Variants in MMD2 observed in about 807,000 individuals in gnomAD.
MMD2 encodes monocyte to macrophage differentiation factor 2.
A neutral mutation model predicts 33.5 loss-of-function variants in MMD2; 30 were observed. The observed-to-expected ratio is 0.90, with a 90% CI of 0.67 to 1.22. MMD2 has a LOEUF of 1.22. MMD2 is among the 50% of genes most tolerant of loss of function. The pLI, the probability that MMD2 is intolerant of heterozygous loss-of-function variation, is 0.00. For synonymous variants in MMD2, 129 were observed against 123.0 expected, an observed-to-expected ratio of 1.05 and a Z score of -0.32; for missense variants, 364 against 325.4, an observed-to-expected ratio of 1.12 and a Z score of -0.91.
rs181673339 is a variant in MMD2 at position 4,935,711 on chromosome 7, A to G, written c.48-10179T>C. Among the ~76,000 whole-genome samples the G allele has an allele frequency of 1.1e-3, 158 of 149,660 alleles. 1 individual carries two copies. Among genetic ancestry groups the G allele is most frequent in the Non-Finnish European group, 1.4e-3 (92 of 67,576 alleles). On this transcript the variant is annotated intron_variant, in intron 1 of 6. Transcript: ENST00000401401. ...AAAAAAAAAAAACCAAAAAAATTGT[A>G]TACGTTGATGGTGCTAGACCATGAT...
chr7:4,901,765 G>T (rs2115076214), downstream of MMD2, among the ~76,000 whole-genome samples: 1 of 152,346 alleles, frequency 6.6e-6, no homozygotes, highest in African/African-American at 2.4e-5. Context: ...CTTCACAAGA[G>T]GTACAGCTGG....
At chr7:4,927,749 C>T (rs1785470780) in intron 1 of MMD2, among the ~76,000 whole-genome samples, 3 of 152,026 alleles carry the variant, frequency 2.0e-5, no homozygotes, top group African/African-American at 7.2e-5. Context: ...CAAAAATTCC[C>T]GATGTTTTGG....
chr7:4,945,201 T>TTCTTCC (rs1429486505), intron 1 of MMD2, among the ~76,000 whole-genome samples: 3 of 138,682 alleles, frequency 2.2e-5, no homozygotes, highest in African/African-American at 8.2e-5. Flanking sequence ...CTTCTTCTTC[T>TTCTTCC]TCTTCTTCTT....
rs758180274 is a variant in MMD2, at chr7:4,920,244, C to T, written c.217G>A (p.Gly73Ser). ...DWETISAWIYGLGLCGLFVVS... is the reference protein window; with the variant it reads ...DWETISAWIYSLGLCGLFVVS... ...ACGAAGAGGCCGCAGAGGCCGAGGC[C>T]GTAGATCCAGGCAGAGATGGTCTCC... is the stretch of plus-strand genomic sequence containing the variant. Residue 73 changes from glycine (G) to serine (S), a missense_variant, in exon 3 of 7, where the codon GGC (glycine) becomes AGC (serine). Gly to Ser is a moderately conservative substitution (Grantham distance 56). Coordinates refer to ENST00000401401, the MANE Select transcript of MMD2 (RefSeq NM_198403.4). 6 of 1,598,384 alleles carry T rather than the reference C, an allele frequency of 3.8e-6. No homozygotes were observed. The highest frequency in any genetic ancestry group is 1.1e-5 in the South Asian group (1 of 87,782).
the MMD2 span, among the ~76,000 whole-genome samples, chr7:4,899,586 G>A: frequency 6.6e-6 from 1 of 151,982 alleles, no homozygotes; most frequent in African/African-American, 2.4e-5. Flanking sequence ...CAGTGGGAGG[G>A]AGCTTCACTG....
chr7:4,917,647 ATGCCAC>A (rs1455713321), intron 3 of MMD2, among the ~76,000 whole-genome samples: 1 of 151,828 alleles, frequency 6.6e-6, no homozygotes, highest in Non-Finnish European at 1.5e-5. Context: ...AGCCGAGATC[ATGCCAC>A]TGCACTCCAG....
intron 1 of MMD2, among the ~76,000 whole-genome samples, chr7:4,932,820 T>G (rs553394701): frequency 1.3e-5 from 2 of 152,006 alleles, no homozygotes; most frequent in South Asian, 4.2e-4. Context: ...ACAGGGGGTC[T>G]CATCATGTTG....
In MMD2 at chr7:4,907,519, C is replaced by G; in HGVS notation, c.618G>C (p.Gly206=). 6.2e-7 allele frequency: 1 copy of G among 1,613,866 alleles called. No homozygotes were observed. Among genetic ancestry groups the G allele is most frequent in the Non-Finnish European group, 8.5e-7 (1 of 1,179,894 alleles). The part of the protein sequence containing the change: ...CLGMVFFKSD[G]RIPFAHAIWH... ...AGATGGCGTGGGCAAAGGGGATCCT[C>G]CCGTCACTCTTGAAGAAGACCATGC... The change falls in exon 7 of 7, where the codon GGG becomes GGC. Residue 206 remains glycine (G), a synonymous_variant. Transcript: ENST00000401401.
At position 4,907,073 on chromosome 7, in the gene MMD2, C is replaced by T. The variant is rs1562473370; in HGVS notation, c.*323G>A. 2 of 344,138 alleles carry T rather than the reference C, an allele frequency of 5.8e-6. No individual in the cohort carries two copies. The highest frequency in any genetic ancestry group is 1.1e-5 in the Non-Finnish European group (2 of 184,630). 21.3% of individuals were successfully genotyped at this position (344,138 alleles called of 1,614,324 possible). On this transcript the variant is annotated 3_prime_UTR_variant, in exon 7 of 7. Transcript: ENST00000401401. The stretch of plus-strand genomic sequence containing the variant: ...AGATTCTTCAGGACCTTAGGAAACA[C>T]AGATTGGCCCGTCATTCCCCAATTT...
At chr7:4,925,985 T>C (rs370180035) in intron 1 of MMD2, among the ~76,000 whole-genome samples, 2 of 152,162 alleles carry the variant, frequency 1.3e-5, no homozygotes, top group African/African-American at 4.8e-5. Context: ...CTTGTATTTT[T>C]AGTAGAGAAG....
At chr7:4,910,920 GT>G (rs1459774373) in intron 5 of MMD2, among the ~76,000 whole-genome samples, 1 of 152,190 alleles carries the variant, frequency 6.6e-6, no homozygotes, top group Non-Finnish European at 1.5e-5. Flanking sequence ...GATTACAGAT[GT>G]GAGCCACCAT....
At chr7:4,930,867 T>C (rs1677295874) in intron 1 of MMD2, among the ~76,000 whole-genome samples, 1 of 152,150 alleles carries the variant, frequency 6.6e-6, no homozygotes, top group African/African-American at 2.4e-5. Flanking sequence ...TCTTTTTAAT[T>C]TGAGACCGAG....
chr7:4,909,764 C>T, intron 6 of MMD2, 117 bp downstream of exon 6: 1 of 1,384,184 alleles, frequency 7.2e-7, no homozygotes, highest in South Asian at 1.2e-5. Flanking sequence ...TCATGCCAGG[C>T]CTCAGTTTCC....
intron 1 of MMD2, among the ~76,000 whole-genome samples, chr7:4,957,994 A>T (rs1786433716): frequency 6.6e-6 from 1 of 152,202 alleles, no homozygotes; most frequent in Non-Finnish European, 1.5e-5. Context: ...CACTGATGTG[A>T]GTAGGAAGAA....
chr7:4,945,249 T>TTCTTCTTCTTC (rs1491219177), intron 1 of MMD2, among the ~76,000 whole-genome samples: 2 of 144,200 alleles, frequency 1.4e-5, no homozygotes, highest in Non-Finnish European at 1.5e-5. Context: ...CCTCTCTCTC[T>TTCTTCTTCTTC]TTCTTTCCCT....
At chr7:4,925,419 C>A in intron 2 of MMD2, 32 bp downstream of exon 2, 2 of 1,479,574 alleles carry the variant, frequency 1.4e-6, no homozygotes, top group Non-Finnish European at 1.8e-6. Context: ...GTGTCCCCAT[C>A]TCAGCCCTGA....
intron 2 of MMD2, among the ~76,000 whole-genome samples, chr7:4,923,422 T>C (rs1354888742): frequency 6.6e-6 from 1 of 152,064 alleles, no homozygotes; most frequent in African/African-American, 2.4e-5. Flanking sequence ...ACCTCTTTCC[T>C]CAGGAGTGTG....
At chr7:4,908,896 C>CAAAAAA (rs765437583) in intron 6 of MMD2, among the ~76,000 whole-genome samples, 1 of 75,674 alleles carries the variant, frequency 1.3e-5, no homozygotes, top group African/African-American at 4.5e-5. Flanking sequence ...GACTCCATCT[C>CAAAAAA]AAAAAAAAAA....
intron 1 of MMD2, among the ~76,000 whole-genome samples, 171 bp downstream of exon 1, chr7:4,958,800 G>C (rs1398987951): frequency 1.3e-5 from 2 of 152,170 alleles, no homozygotes; most frequent in Non-Finnish European, 1.5e-5. Flanking sequence ...CTCCATCCCA[G>C]CGAGAAGACG....
Sources: gnomAD v4.1 joint callset for allele counts (sites outside exome capture counted in the v4.1 genomes callset) on GRCh38, gnomAD v4.1.1 for gene constraint, MANE v1.5 for transcripts, NCBI Gene and HGNC (gene_info 2026-07-23, HGNC 2026-07-21) for gene names.